Variants in KCNAB1 observed in about 807,000 individuals in gnomAD.
KCNAB1 encodes voltage-gated potassium channel subunit beta-1.
Under a neutral mutation model 64.6 loss-of-function variants are expected in KCNAB1, and 35 were observed. That is an observed-to-expected ratio of 0.54 (90% CI 0.41 to 0.72). The LOEUF (loss-of-function observed/expected upper bound fraction) is 0.72, where lower values mean the gene tolerates loss of function less well. KCNAB1 is among the 30% of genes least tolerant of loss of function. The pLI is 0.00. For synonymous variants in KCNAB1, 177 were observed against 183.8 expected, an observed-to-expected ratio of 0.96 and a Z score of 0.30; for missense variants, 401 against 512.9, an observed-to-expected ratio of 0.78 and a Z score of 2.11.
At chr3:156,500,411 A>G (rs1716319980) in intron 8 of KCNAB1, among the ~76,000 whole-genome samples, 2 of 152,222 alleles carry the variant, frequency 1.3e-5, no homozygotes, top group Non-Finnish European at 2.9e-5. Flanking sequence ...TGAGTTTTCA[A>G]TAACTTACTC....
intron 1 of KCNAB1, among the ~76,000 whole-genome samples, chr3:156,410,712 A>C (rs544291775): frequency 6.6e-6 from 1 of 152,186 alleles, no homozygotes; most frequent in Non-Finnish European, 1.5e-5. Context: ...AATGTCATGT[A>C]AGTGGAATCA....
intron 1 of KCNAB1, among the ~76,000 whole-genome samples, chr3:156,200,615 G>C (rs1402830309): frequency 6.6e-6 from 1 of 152,158 alleles, no homozygotes; most frequent in African/African-American, 2.4e-5. Context: ...CACTGTGAGG[G>C]GAAAACCGCC....
At chr3:156,293,326 A>G (rs1371563064) in intron 1 of KCNAB1, among the ~76,000 whole-genome samples, 1 of 152,230 alleles carries the variant, frequency 6.6e-6, no homozygotes, top group Admixed American at 6.5e-5. Context: ...GTTTGCAGAT[A>G]TGATTTTGTT....
intron 1 of KCNAB1, among the ~76,000 whole-genome samples, chr3:156,134,052 C>G (rs1299111538): frequency 6.6e-6 from 1 of 152,158 alleles, no homozygotes. Context: ...AAAATTTTCA[C>G]CCAGGTGATT....
At chr3:156,329,070 T>G (rs1360523425) in intron 1 of KCNAB1, among the ~76,000 whole-genome samples, 1 of 152,222 alleles carries the variant, frequency 6.6e-6, no homozygotes, top group Non-Finnish European at 1.5e-5. Flanking sequence ...TTTGCTGCAC[T>G]TATCTTTTTG....
At chr3:156,373,444 G>C (rs1050975498) in intron 1 of KCNAB1, among the ~76,000 whole-genome samples, 1 of 152,164 alleles carries the variant, frequency 6.6e-6, no homozygotes, top group South Asian at 2.1e-4. Context: ...AAGAGTCAAG[G>C]CCTCTCAGGT....
intron 8 of KCNAB1, among the ~76,000 whole-genome samples, chr3:156,504,703 AT>A (rs1368991251): frequency 2.4e-5 from 3 of 125,686 alleles, no homozygotes; most frequent in African/African-American, 8.9e-5. Flanking sequence ...TATTCAGATC[AT>A]TTGCCCATTT....
At chr3:156,284,435 GC>G (rs1172031283) in intron 1 of KCNAB1, among the ~76,000 whole-genome samples, 3 of 152,230 alleles carry the variant, frequency 2.0e-5, no homozygotes, top group African/African-American at 7.2e-5. Context: ...TCTGTGTCCT[GC>G]CCCCAGAGGT....
intron 4 of KCNAB1, among the ~76,000 whole-genome samples, chr3:156,459,335 T>C (rs1453330187): frequency 6.6e-6 from 1 of 152,190 alleles, no homozygotes; most frequent in Non-Finnish European, 1.5e-5. Flanking sequence ...CCTAAGATGT[T>C]CTGTACGCGA....
chr3:156,121,345 G>T (rs1204421066), intron 1 of KCNAB1, among the ~76,000 whole-genome samples: 1 of 152,186 alleles, frequency 6.6e-6, no homozygotes, highest in African/African-American at 2.4e-5. Flanking sequence ...GAGGGGTCAG[G>T]CTGGCCATAG....
intron 1 of KCNAB1, among the ~76,000 whole-genome samples, chr3:156,175,276 A>G (rs923155928): frequency 1.3e-5 from 2 of 152,162 alleles, no homozygotes; most frequent in Non-Finnish European, 2.9e-5. Flanking sequence ...AATTTGTCAC[A>G]TTGGGCAGGC....
At chr3:156,218,029 C>T (rs1051787792) in intron 1 of KCNAB1, 2 of 152,270 alleles carry the variant, frequency 1.3e-5, no homozygotes, top group African/African-American at 4.8e-5. Context: ...ATCACTGCTG[C>T]AGGCTCCCTG....
chr3:156,511,045 T>G (rs13092835), intron 8 of KCNAB1, among the ~76,000 whole-genome samples: 63,682 of 152,054 alleles, frequency 0.42, 13,874 homozygotes, highest in African/African-American at 0.54. Flanking sequence ...TGGCCCAGAT[T>G]GCTCACTGTC....
At chr3:156,380,769 G>C (rs1443239975) in intron 1 of KCNAB1, among the ~76,000 whole-genome samples, 1 of 152,098 alleles carries the variant, frequency 6.6e-6, no homozygotes, top group Non-Finnish European at 1.5e-5. Flanking sequence ...ACATCAAATA[G>C]GTTCAAGAAT....
intron 1 of KCNAB1, among the ~76,000 whole-genome samples, chr3:156,143,860 T>C (rs1156775480): frequency 1.3e-5 from 2 of 151,598 alleles, no homozygotes; most frequent in African/African-American, 4.8e-5. Context: ...TCTGTACTAA[T>C]AGCTAATAAA....
In KCNAB1 at chr3:156,268,003, C is replaced by T. The variant is rs567218908; in HGVS notation, c.275+147117C>T. Among the ~76,000 whole-genome samples, 176 of 150,862 alleles carry T rather than the reference C, an allele frequency of 1.2e-3. 2 individuals carry two copies. The highest frequency in any genetic ancestry group is 4.0e-3 in the African/African-American group (164 of 41,082). On this transcript the variant is annotated intron_variant, in intron 1 of 13. Coordinates refer to ENST00000490337, the MANE Select transcript of KCNAB1 (RefSeq NM_172160.3). ...TTCATTCTTTCTATTTTTTTTAATCCATTAGCCACCCCCACTTCCTCCCCA... is the reference window on the plus strand; with the variant it reads ...TTCATTCTTTCTATTTTTTTTAATCTATTAGCCACCCCCACTTCCTCCCCA...
chr3:156,120,484 G>T, upstream of KCNAB1: 4 of 1,087,054 alleles, frequency 3.7e-6, no homozygotes, highest in Non-Finnish European at 5.4e-6. Flanking sequence ...CTCAATTACA[G>T]CTTTGTGGCA....
chr3:156,406,484 G>A (rs889916735), intron 1 of KCNAB1, among the ~76,000 whole-genome samples: 1 of 152,106 alleles, frequency 6.6e-6, no homozygotes, highest in Non-Finnish European at 1.5e-5. Context: ...CTCTTCCTGG[G>A]GAAGCCCCCT....
Position 156,147,940 on chromosome 3 carries a change from G to GACACACACACACACACAC in KCNAB1, c.275+27057_275+27074dup, listed in dbSNP as rs6148150. On this transcript the variant is annotated intron_variant, in intron 1 of 13. Coordinates refer to ENST00000490337, the MANE Select transcript of KCNAB1 (RefSeq NM_172160.3). The stretch of plus-strand genomic sequence containing the variant: ...CAACCTCCATCCCACCACATGCCAA[G>GACACACACACACACACAC]ACACACACACACACACACACGCACG... Among the ~76,000 whole-genome samples the GACACACACACACACACAC allele has an allele frequency of 6.2e-3, 901 of 146,100 alleles. 4 individuals are homozygous for GACACACACACACACACAC. Among genetic ancestry groups the GACACACACACACACACAC allele is most frequent in the South Asian group, 0.016 (67 of 4,250 alleles).
Sources: gnomAD v4.1 joint callset for allele counts (sites outside exome capture counted in the v4.1 genomes callset) on GRCh38, gnomAD v4.1.1 for gene constraint, MANE v1.5 for transcripts, NCBI Gene and HGNC (gene_info 2026-07-23, HGNC 2026-07-21) for gene names.